Variants in TNFRSF19 observed in about 807,000 individuals in gnomAD.
TNFRSF19 encodes tumor necrosis factor receptor superfamily member 19.
A neutral mutation model predicts 46.4 loss-of-function variants in TNFRSF19; 27 were observed. The ratio of observed to expected loss-of-function variants is 0.58; its 90% confidence interval spans 0.43 to 0.80. The LOEUF (loss-of-function observed/expected upper bound fraction) is 0.80, where lower values mean the gene tolerates loss of function less well. TNFRSF19 is among the 30% of genes least tolerant of loss of function. The pLI is 0.00. For synonymous variants in TNFRSF19, 204 were observed against 205.0 expected, an observed-to-expected ratio of 1.00 and a Z score of 0.04; for missense variants, 511 against 530.8, an observed-to-expected ratio of 0.96 and a Z score of 0.37.
At chr13:23,628,016 T>G (rs552969036) in intron 5 of TNFRSF19, among the ~76,000 whole-genome samples, 5,449 of 152,312 alleles carry the variant, frequency 0.036, 136 homozygotes, top group African/African-American at 0.064. Flanking sequence ...AAATAACAAA[T>G]GCAATATTGA....
intron 3 of TNFRSF19, among the ~76,000 whole-genome samples, chr13:23,615,645 C>G (rs1353809143): frequency 6.6e-6 from 1 of 152,162 alleles, no homozygotes; most frequent in Non-Finnish European, 1.5e-5. Context: ...TTCTCATGCT[C>G]ACGGCTTCTT....
intron 5 of TNFRSF19, among the ~76,000 whole-genome samples, chr13:23,637,363 C>G (rs1882754407): frequency 6.6e-6 from 1 of 152,226 alleles, no homozygotes; most frequent in African/African-American, 2.4e-5. Context: ...AATTATTTAA[C>G]TTTTCTTCAT....
In TNFRSF19 at chr13:23,593,330, A is replaced by AT; in HGVS notation, c.70-15_70-14insT. ...CATACTTTAAGATAACATTTTGTTA[A>AT]ATTTTTTTTTTCAGTCATGTAAAGT... On this transcript the variant is annotated splice_polypyrimidine_tract_variant and intron_variant, in intron 2 of 9. Coordinates refer to ENST00000248484, the MANE Select transcript of TNFRSF19 (RefSeq NM_148957.4). 6.6e-7 allele frequency: 1 copy of AT among 1,509,230 alleles called. No individual in the cohort carries two copies. The highest frequency in any genetic ancestry group is 8.9e-7 in the Non-Finnish European group (1 of 1,119,136). The allele number at this position is 1,509,230 out of a possible 1,614,324, so 93.5% of individuals were successfully genotyped here. A position where few individuals can be genotyped will look rare whatever the true frequency, so the allele number is the denominator to read the frequency against.
At chr13:23,612,452 C>T (rs1047057174) in intron 3 of TNFRSF19, among the ~76,000 whole-genome samples, 2 of 152,172 alleles carry the variant, frequency 1.3e-5, no homozygotes, top group Non-Finnish European at 2.9e-5. Context: ...AGAAATATGA[C>T]AGTCAACTCA....
intron 1 of TNFRSF19, among the ~76,000 whole-genome samples, chr13:23,582,786 G>C (rs2138154526): frequency 6.6e-6 from 1 of 152,236 alleles, no homozygotes; most frequent in Non-Finnish European, 1.5e-5. Flanking sequence ...GCATTTTCTA[G>C]AATTTCATAT....
intron 8 of TNFRSF19, among the ~76,000 whole-genome samples, 182 bp from the exon 9 acceptor site, chr13:23,668,510 A>G (rs11616393): frequency 0.41 from 63,048 of 152,128 alleles, 13,648 homozygotes; most frequent in Middle Eastern, 0.53. Context: ...TCAGTTTTCA[A>G]ATAAATGGAG....
At chr13:23,607,706 A>G (rs2138230030) in intron 3 of TNFRSF19, among the ~76,000 whole-genome samples, 1 of 152,302 alleles carries the variant, frequency 6.6e-6, no homozygotes, top group Non-Finnish European at 1.5e-5. Flanking sequence ...CTTTTATTGT[A>G]ACATTGTTAT....
At chr13:23,669,780 C>T in intron 9 of TNFRSF19, 3 of 913,962 alleles carry the variant, frequency 3.3e-6, no homozygotes, top group Non-Finnish European at 3.9e-6. Flanking sequence ...GGGCACGTCT[C>T]TGCTTTCTTC....
intron 1 of TNFRSF19, among the ~76,000 whole-genome samples, chr13:23,586,610 T>G (rs1355919419): frequency 3.9e-5 from 6 of 152,216 alleles, no homozygotes; most frequent in Admixed American, 3.9e-4. Context: ...TTCATGATTT[T>G]GGGCAAGAAG....
At chr13:23,665,418 T>G (rs1294383565) in intron 7 of TNFRSF19, among the ~76,000 whole-genome samples, 1 of 152,228 alleles carries the variant, frequency 6.6e-6, no homozygotes, top group Non-Finnish European at 1.5e-5. Context: ...ATGCACTGGT[T>G]CAGTGCAGCT....
chr13:23,606,981 A>G (rs1302844921), intron 3 of TNFRSF19, among the ~76,000 whole-genome samples: 1 of 152,256 alleles, frequency 6.6e-6, no homozygotes, highest in East Asian at 1.9e-4. Flanking sequence ...TTAAAGTCAG[A>G]TAAATCACTG....
intron 4 of TNFRSF19, among the ~76,000 whole-genome samples, chr13:23,618,999 G>A (rs896267126): frequency 1.3e-5 from 2 of 152,134 alleles, no homozygotes; most frequent in Admixed American, 6.5e-5. Flanking sequence ...CTCACCAGAC[G>A]CCAGATACTG....
intron 1 of TNFRSF19, among the ~76,000 whole-genome samples, chr13:23,589,735 T>A (rs1437199976): frequency 6.6e-6 from 1 of 152,234 alleles, no homozygotes; most frequent in Non-Finnish European, 1.5e-5. Context: ...ATAGTACCTG[T>A]CACATAGTTG....
At chr13:23,660,604 T>C in intron 7 of TNFRSF19, 114 bp downstream of exon 7, 1 of 1,223,450 alleles carries the variant, frequency 8.2e-7, no homozygotes, top group Non-Finnish European at 1.1e-6. Context: ...TTGAGTCTTC[T>C]GGTTAAAACT....
At chr13:23,601,274 G>T (rs1034544726) in intron 3 of TNFRSF19, among the ~76,000 whole-genome samples, 1 of 152,180 alleles carries the variant, frequency 6.6e-6, no homozygotes, top group Non-Finnish European at 1.5e-5. Context: ...GTACAGAGGA[G>T]CAGAGATAAG....
chr13:23,660,304 T>C, intron 6 of TNFRSF19, 61 bp from the exon 7 acceptor site: 1 of 1,505,360 alleles, frequency 6.6e-7, no homozygotes, highest in East Asian at 2.4e-5. Context: ...AAAGCTAGAA[T>C]GGCACAGGTC....
At chr13:23,627,866 C>G (rs576012608) in intron 5 of TNFRSF19, among the ~76,000 whole-genome samples, 2 of 152,210 alleles carry the variant, frequency 1.3e-5, no homozygotes, top group African/African-American at 4.8e-5. Flanking sequence ...ATTAGTGTGT[C>G]CTTTACCAAA....
At chr13:23,623,528 G>A (rs1191255746) in intron 4 of TNFRSF19, among the ~76,000 whole-genome samples, 2 of 152,172 alleles carry the variant, frequency 1.3e-5, no homozygotes, top group African/African-American at 2.4e-5. Context: ...CCTACGTGCT[G>A]TTTTCCATAG....
At chr13:23,649,234 A>G (rs1883499819) in intron 5 of TNFRSF19, among the ~76,000 whole-genome samples, 1 of 152,194 alleles carries the variant, frequency 6.6e-6, no homozygotes, top group African/African-American at 2.4e-5. Context: ...GTATTTGATT[A>G]CTGATTCAAT....
Sources: gnomAD v4.1 joint callset for allele counts (sites outside exome capture counted in the v4.1 genomes callset) on GRCh38, gnomAD v4.1.1 for gene constraint, MANE v1.5 for transcripts, NCBI Gene and HGNC (gene_info 2026-07-23, HGNC 2026-07-21) for gene names.